Variants in ADAMTSL1 observed in about 807,000 individuals in gnomAD.
ADAMTSL1 encodes the protein ADAMTS like 1.
A neutral mutation model predicts 201.8 loss-of-function variants in ADAMTSL1; 126 were observed. The ratio of observed to expected loss-of-function variants is 0.62; its 90% CI spans 0.54 to 0.72. The LOEUF is 0.72. Ranked by LOEUF, ADAMTSL1 falls within the 30% of genes least tolerant of loss-of-function variation. The pLI, the probability that ADAMTSL1 is intolerant of heterozygous loss-of-function variation, is 0.00. For synonymous variants in ADAMTSL1, 1,121 were observed against 903.4 expected (o/e 1.24, Z -4.32); for missense variants, 2,679 against 2,277.8 (o/e 1.18, Z -3.59).
rs768414327 is a variant in ADAMTSL1, at chr9:18,604,982, C to G, written c.475-17261C>G. Among the ~76,000 whole-genome samples, 126 of 152,256 alleles carry G rather than the reference C, an allele frequency of 8.3e-4. 2 individuals are homozygous for G. Among genetic ancestry groups the G allele is most frequent in the Non-Finnish European group, 8.8e-4 (60 of 68,016 alleles). The stretch of plus-strand genomic sequence containing the variant: ...TTTAACAGCTAGGACAATACCATTC[C>G]CATAAAGAGTGTTGATTAAAAGACA... On this transcript the variant is annotated intron_variant, in intron 4 of 28. Transcript: ENST00000380548.
At chr9:18,246,689 G>C (rs1305102799) in intron 2 of ADAMTSL1, among the ~76,000 whole-genome samples, 1 of 152,142 alleles carries the variant, frequency 6.6e-6, no homozygotes, top group Non-Finnish European at 1.5e-5. Context: ...GTTGCAAAGT[G>C]ACATATCTGA....
chr9:18,502,750 A>G (rs534141554), intron 1 of ADAMTSL1, among the ~76,000 whole-genome samples: 1 of 152,174 alleles, frequency 6.6e-6, no homozygotes, highest in Non-Finnish European at 1.5e-5. Flanking sequence ...CAGATGCAAT[A>G]TGACAAGAGG....
intron 2 of ADAMTSL1, among the ~76,000 whole-genome samples, chr9:18,303,533 A>G (rs1833785688): frequency 6.6e-6 from 1 of 152,154 alleles, no homozygotes; most frequent in Non-Finnish European, 1.5e-5. Flanking sequence ...AGCTACCATA[A>G]AGGTCAACAG....
chr9:17,954,768 A>G (rs1010352472), intron 1 of ADAMTSL1, among the ~76,000 whole-genome samples: 17 of 152,188 alleles, frequency 1.1e-4, no homozygotes, highest in South Asian at 4.1e-4. Context: ...TAGAAAGGGG[A>G]AAAAAAATTA....
At chr9:18,178,960 A>C (rs373018052) in intron 2 of ADAMTSL1, among the ~76,000 whole-genome samples, 2 of 152,222 alleles carry the variant, frequency 1.3e-5, no homozygotes, top group Non-Finnish European at 2.9e-5. Flanking sequence ...AACTCTAAAA[A>C]GCAGAGCGCC....
chr9:18,802,872 T>C (rs1267102254), intron 20 of ADAMTSL1, among the ~76,000 whole-genome samples: 1 of 152,186 alleles, frequency 6.6e-6, no homozygotes, highest in Admixed American at 6.5e-5. Context: ...AACAGTTGTT[T>C]TCATCTATCA....
chr9:17,977,160 C>T (rs1818488696), intron 1 of ADAMTSL1, among the ~76,000 whole-genome samples: 1 of 151,986 alleles, frequency 6.6e-6, no homozygotes, highest in Non-Finnish European at 1.5e-5. Flanking sequence ...ATCCTTGTAT[C>T]CCAGAGATGA....
At chr9:18,147,994 A>G (rs1826726143) in intron 1 of ADAMTSL1, among the ~76,000 whole-genome samples, 1 of 151,996 alleles carries the variant, frequency 6.6e-6, no homozygotes, top group Non-Finnish European at 1.5e-5. Flanking sequence ...AAGAGACCAT[A>G]TTTATTTTTG....
At chr9:18,468,454 A>C (rs1821089224) in intron 2 of ADAMTSL1, among the ~76,000 whole-genome samples, 1 of 152,156 alleles carries the variant, frequency 6.6e-6, no homozygotes, top group African/African-American at 2.4e-5. Context: ...CTACTTCTAT[A>C]CCCACCACCT....
chr9:18,176,368 A>G (rs1828156517), intron 2 of ADAMTSL1, among the ~76,000 whole-genome samples: 2 of 152,204 alleles, frequency 1.3e-5, no homozygotes, highest in South Asian at 2.1e-4. Flanking sequence ...GGGAGTATAT[A>G]TCATTTATTG....
chr9:18,700,456 C>G (rs1831856585), intron 13 of ADAMTSL1, among the ~76,000 whole-genome samples: 1 of 152,040 alleles, frequency 6.6e-6, no homozygotes, highest in Non-Finnish European at 1.5e-5. Flanking sequence ...TCTTTCTCAT[C>G]CAGTAGTAAT....
chr9:18,193,244 G>T (rs138012718), intron 2 of ADAMTSL1, among the ~76,000 whole-genome samples: 17 of 152,214 alleles, frequency 1.1e-4, no homozygotes, highest in African/African-American at 4.1e-4. Flanking sequence ...GATTCAAATC[G>T]TTTTGAAAAG....
intron 23 of ADAMTSL1, among the ~76,000 whole-genome samples, chr9:18,861,209 C>G (rs1827195729): frequency 6.6e-6 from 1 of 152,116 alleles, no homozygotes; most frequent in South Asian, 2.1e-4. Context: ...TACACATTTC[C>G]CATTCTAGAC....
intron 1 of ADAMTSL1, among the ~76,000 whole-genome samples, chr9:18,061,445 A>G (rs988566917): frequency 2.0e-5 from 3 of 152,184 alleles, no homozygotes; most frequent in African/African-American, 7.2e-5. Context: ...CTCTTTCTCT[A>G]TGTCACAAAA....
At chr9:18,855,853 G>A (rs1158192543) in intron 23 of ADAMTSL1, among the ~76,000 whole-genome samples, 1 of 152,202 alleles carries the variant, frequency 6.6e-6, no homozygotes, top group East Asian at 1.9e-4. Flanking sequence ...ACTCTTTGAA[G>A]TGGTATCAAG....
chr9:18,493,865 A>G (rs1046960751), intron 1 of ADAMTSL1, among the ~76,000 whole-genome samples: 1 of 152,232 alleles, frequency 6.6e-6, no homozygotes, highest in African/African-American at 2.4e-5. Context: ...TCATTCATTT[A>G]ATGAATATTC....
chr9:18,291,545 G>T (rs1056270763), intron 2 of ADAMTSL1, among the ~76,000 whole-genome samples: 3 of 151,908 alleles, frequency 2.0e-5, no homozygotes, highest in African/African-American at 4.8e-5. Context: ...GAACCATTTC[G>T]TGCATTTCAT....
At chr9:18,103,312 G>A (rs141648270) in intron 1 of ADAMTSL1, among the ~76,000 whole-genome samples, 424 of 152,156 alleles carry the variant, frequency 2.8e-3, no homozygotes, top group African/African-American at 9.5e-3. Context: ...GCAAAACATA[G>A]GACTTTTTAA....
chr9:18,674,938 T>C (rs1295162175), intron 9 of ADAMTSL1, among the ~76,000 whole-genome samples: 1 of 152,146 alleles, frequency 6.6e-6, no homozygotes, highest in Non-Finnish European at 1.5e-5. Context: ...ACAAGGCCTC[T>C]GCAGGGACCC....
Sources: gnomAD v4.1 joint callset for allele counts (sites outside exome capture counted in the v4.1 genomes callset) on GRCh38, gnomAD v4.1.1 for gene constraint, MANE v1.5 for transcripts, NCBI Gene and HGNC (gene_info 2026-07-23, HGNC 2026-07-21) for gene names.